SOAT2: variants seen among roughly 807,000 people sequenced by gnomAD.
SOAT2 encodes ACAT-2.
A neutral mutation model predicts 76.0 loss-of-function variants in SOAT2; 87 were observed. That is an observed-to-expected ratio of 1.14 (90% CI 0.96 to 1.37). The LOEUF is 1.37. Among genes scored for constraint, SOAT2 ranks in the 40% most tolerant of loss-of-function variants. The probability of loss-of-function intolerance (pLI) is 0.00; values close to 1 mark genes in which losing one functional copy is unlikely to be tolerated. For synonymous variants in SOAT2, 285 were observed against 275.4 expected (o/e 1.03, Z -0.34); for missense variants, 686 against 682.1 (o/e 1.01, Z -0.06).
rs746535299 is a variant in SOAT2 at position 53,105,267 on chromosome 12, G to A, written c.275+24G>A. 7.5e-6 allele frequency: 12 copies of A among 1,593,458 alleles called. No individual in the cohort carries two copies. In the African/African-American group the frequency reaches 8.1e-5, roughly 11 times the overall value. On this transcript the variant is annotated intron_variant, in intron 3 of 14. Transcript: ENST00000301466. ...AGGTGAGTCTGGGGAATGGCTGCGCGGGCTCCTCTGTAGCAAGGATCATGA... is the reference window on the plus strand; with the variant it reads ...AGGTGAGTCTGGGGAATGGCTGCGCAGGCTCCTCTGTAGCAAGGATCATGA...
chr12:53,104,444 T>A (rs926558337), intron 2 of SOAT2, among the ~76,000 whole-genome samples: 5 of 152,074 alleles, frequency 3.3e-5, no homozygotes, highest in South Asian at 2.1e-4. Context: ...AATTTTTTTT[T>A]TATATTTTTA....
Position 53,124,396 on chromosome 12 carries a change from G to A in SOAT2, c.*273G>A. ...TCCTCCTACCCCATGACTGTCTTAG[G>A]GAGACTTGGGGTACCTTATGGATTT... On this transcript the variant is annotated 3_prime_UTR_variant, in exon 15 of 15. Coordinates refer to ENST00000301466, the MANE Select transcript of SOAT2 (RefSeq NM_003578.4). 2 of 499,934 alleles carry A rather than the reference G, an allele frequency of 4.0e-6. No homozygotes were observed. The highest frequency in any genetic ancestry group is 6.3e-5 in the East Asian group (2 of 31,844). The allele number at this position is 499,934 out of a possible 1,614,324, so 31.0% of individuals were successfully genotyped here. A position where few individuals can be genotyped will look rare whatever the true frequency, so the allele number is the denominator to read the frequency against.
intron 12 of SOAT2, among the ~76,000 whole-genome samples, chr12:53,122,445 AG>A (rs1938206124): frequency 7.0e-6 from 1 of 143,260 alleles, no homozygotes; most frequent in Admixed American, 6.8e-5. Context: ...AAGTGAACAA[AG>A]GTCTCTGGTT....
chr12:53,104,678 G>C (rs1937901308), intron 2 of SOAT2, among the ~76,000 whole-genome samples: 2 of 152,030 alleles, frequency 1.3e-5, no homozygotes, highest in African/African-American at 2.4e-5. Context: ...CCAGTAGATA[G>C]AGTCTTCCTG....
chr12:53,105,005 AAG>A, intron 2 of SOAT2, 100 bp from the exon 3 acceptor site: 2 of 1,309,984 alleles, frequency 1.5e-6, no homozygotes, highest in Non-Finnish European at 2.0e-6. Flanking sequence ...TTTTTAAAAA[AAG>A]CACTGTGCCT....
chr12:53,120,120 G>C (rs779201903), intron 10 of SOAT2, among the ~76,000 whole-genome samples: 20 of 152,168 alleles, frequency 1.3e-4, no homozygotes, highest in Non-Finnish European at 2.2e-4. Context: ...AGGACCGCTT[G>C]AGGCCAGGAG....
At position 53,123,185 on chromosome 12, in the gene SOAT2, C is replaced by G; in HGVS notation, c.1341C>G (p.Pro447=). Residue 447 remains proline, a synonymous_variant, in exon 13 of 15, where the codon CCC becomes CCG. Coordinates refer to ENST00000301466, the MANE Select transcript of SOAT2 (RefSeq NM_003578.4). Reference sequence around the variant, plus strand: ...GCTTCGTCCTGGGGTTCTTCTATCCCGTCATGCTGATACTCTTCCTTGTCA... The same window carrying G: ...GCTTCGTCCTGGGGTTCTTCTATCCGGTCATGCTGATACTCTTCCTTGTCA... ...IFCFVLGFFY[P]VMLILFLVIG... is the part of the protein sequence containing the mutation. The G allele has an allele frequency of 6.2e-7, 1 of 1,614,052 alleles. No homozygotes were observed. The highest frequency in any genetic ancestry group is 8.5e-7 in the Non-Finnish European group (1 of 1,179,970).
intron 5 of SOAT2, among the ~76,000 whole-genome samples, chr12:53,110,562 A>G (rs1937996350): frequency 6.6e-6 from 1 of 152,166 alleles, no homozygotes; most frequent in Non-Finnish European, 1.5e-5. Context: ...ACAACCAGTT[A>G]TTTTACTTTA....
At chr12:53,113,846 A>G (rs1226972358) in intron 5 of SOAT2, among the ~76,000 whole-genome samples, 1 of 152,158 alleles carries the variant, frequency 6.6e-6, no homozygotes, top group East Asian at 1.9e-4. Flanking sequence ...CTTAATCTAA[A>G]TGGGTCCAGG....
In SOAT2 at chr12:53,105,203, G is replaced by C. The variant is rs1396819918; in HGVS notation, c.235G>C (p.Asp79His). The change falls in exon 3 of 15, where the codon GAC becomes CAC. Residue 79 changes from aspartate to histidine, a missense_variant. Physicochemically the swap from Asp to His is moderately conservative, Grantham distance 81 (BLOSUM62 -1). Coordinates refer to ENST00000301466, the MANE Select transcript of SOAT2 (RefSeq NM_003578.4). Reference sequence around the variant, plus strand: ...GGCTATACAATCCTACCCATCACAAGACAAACCTCTGCCCCCACCTCCCCC... The same window carrying C: ...GGCTATACAATCCTACCCATCACAACACAAACCTCTGCCCCCACCTCCCCC... Reference protein sequence around the residue: ...REAIQSYPSQDKPLPPPPPGS... With the variant: ...REAIQSYPSQHKPLPPPPPGS... The C allele has an allele frequency of 6.2e-7, 1 of 1,602,402 alleles. No individual in the cohort carries two copies. Among genetic ancestry groups the C allele is most frequent in the East Asian group, 2.3e-5 (1 of 44,280 alleles).
At chr12:53,104,888 C>T (rs915192715) in intron 2 of SOAT2, among the ~76,000 whole-genome samples, 1 of 150,228 alleles carries the variant, frequency 6.7e-6, no homozygotes, top group Non-Finnish European at 1.5e-5. Context: ...ACTGCGGGGT[C>T]CTACCCCACC....
intron 13 of SOAT2, among the ~76,000 whole-genome samples, 156 bp from the exon 14 acceptor site, chr12:53,123,569 GGGC>G (rs1189941306): frequency 6.6e-6 from 1 of 152,122 alleles, no homozygotes; most frequent in Non-Finnish European, 1.5e-5. Flanking sequence ...GGTTTTACAT[GGGC>G]CACTTTAGAC....
At chr12:53,111,182 T>C (rs1398160141) in intron 5 of SOAT2, among the ~76,000 whole-genome samples, 1 of 151,650 alleles carries the variant, frequency 6.6e-6, no homozygotes, top group Non-Finnish European at 1.5e-5. Context: ...CTCGGCTCAC[T>C]GCAAGCTCCG....
intron 5 of SOAT2, among the ~76,000 whole-genome samples, chr12:53,106,467 GGT>G (rs1264745966): frequency 6.6e-6 from 1 of 152,228 alleles, no homozygotes; most frequent in East Asian, 1.9e-4. Context: ...CAAGTGCCTG[GGT>G]GGGTCATTTC....
At chr12:53,117,101 GGT>G (rs1938116708) in intron 7 of SOAT2, among the ~76,000 whole-genome samples, 1 of 151,456 alleles carries the variant, frequency 6.6e-6, no homozygotes, top group East Asian at 2.0e-4. Context: ...TGGGATTATA[GGT>G]GTGTGTCACC....
Position 53,123,773 on chromosome 12 carries a change from G to A in SOAT2, c.1418G>A (p.Trp473Ter). The A allele has an allele frequency of 6.2e-7, 1 of 1,614,162 alleles. No homozygotes were observed. The change falls in exon 14 of 15, where the codon TGG becomes TAG. Residue 473 changes from tryptophan (W) to a stop codon, truncating the protein, a stop_gained. Coordinates refer to ENST00000301466, the MANE Select transcript of SOAT2 (RefSeq NM_003578.4). LOFTEE classifies it high-confidence loss of function. ...MMHDQRTGPA[W>*]NVLMWTMLFL... ...CATGACCAGCGCACCGGCCCGGCAT[G>A]GAACGTGCTGATGTGGACCATGCTG...
intron 5 of SOAT2, among the ~76,000 whole-genome samples, chr12:53,109,268 A>G (rs1213305941): frequency 6.6e-6 from 1 of 152,096 alleles, no homozygotes; most frequent in Non-Finnish European, 1.5e-5. Context: ...TCTAATTATT[A>G]TTGATAATGT....
intron 12 of SOAT2, among the ~76,000 whole-genome samples, chr12:53,122,853 C>T (rs1000830729): frequency 2.6e-5 from 4 of 152,148 alleles, no homozygotes; most frequent in African/African-American, 9.7e-5. Flanking sequence ...TTGGGTACAC[C>T]TCCCAGACGG....
At chr12:53,118,161 C>A (rs1453286713) in intron 7 of SOAT2, among the ~76,000 whole-genome samples, 189 bp from the exon 8 acceptor site, 1 of 151,998 alleles carries the variant, frequency 6.6e-6, no homozygotes, top group African/African-American at 2.4e-5. Context: ...GTTAAAGAGC[C>A]AGTTCCGCTC....
Sources: allele counts gnomAD v4.1 joint callset (sites outside exome capture counted in the v4.1 genomes callset), GRCh38; gene constraint gnomAD v4.1.1; transcripts MANE v1.5; gene names NCBI Gene and HGNC (gene_info 2026-07-23, HGNC 2026-07-21).